The following STK3 variants were observed in gnomAD, a reference collection of about 807,000 sequenced individuals.
STK3 encodes the protein serine/threonine kinase 3, also known as serine/threonine-protein kinase 3.
STK3 carries 41 observed loss-of-function variants against 58.0 expected under a neutral mutation model. The observed-to-expected ratio is 0.71, with a 90% CI of 0.55 to 0.92. The LOEUF is 0.92. Ranked by LOEUF, STK3 falls within the 40% of genes least tolerant of loss-of-function variation. STK3 has a pLI of 0.00. For synonymous variants in STK3, 170 were observed against 191.0 expected, an observed-to-expected ratio of 0.89 and a Z score of 0.91; for missense variants, 479 against 602.7, an observed-to-expected ratio of 0.79 and a Z score of 2.15.
chr8:98,535,130 G>A, intron 9 of STK3, among the ~76,000 whole-genome samples: 1 of 152,272 alleles, frequency 6.6e-6, no homozygotes. Context: ...GTCAAGGAAA[G>A]TCAGAATCAG....
chr8:98,819,056 C>T (rs560578698), intron 1 of STK3, among the ~76,000 whole-genome samples: 1 of 152,264 alleles, frequency 6.6e-6, no homozygotes, highest in African/African-American at 2.4e-5. Flanking sequence ...ATCTCCTGAC[C>T]TCATGATCTG....
At chr8:98,387,451 T>C (rs948190215) in intron 1 of STK3, among the ~76,000 whole-genome samples, 2 of 152,202 alleles carry the variant, frequency 1.3e-5, no homozygotes, top group African/African-American at 4.8e-5. Context: ...CCTTCTCTGA[T>C]TAAAAGACCT....
At chr8:98,586,146 G>T (rs192588899) in intron 7 of STK3, among the ~76,000 whole-genome samples, 9 of 151,868 alleles carry the variant, frequency 5.9e-5, no homozygotes, top group African/African-American at 1.4e-4. Flanking sequence ...GAATAGGAGT[G>T]GTGAGAGAGG....
At chr8:98,878,024 G>A (rs985435577) in intron 3 of STK3, among the ~76,000 whole-genome samples, 2 of 151,058 alleles carry the variant, frequency 1.3e-5, no homozygotes, top group African/African-American at 4.9e-5. Context: ...AACCAAATTT[G>A]TTGCAACAAC....
intron 6 of STK3, among the ~76,000 whole-genome samples, chr8:98,661,655 T>C (rs1379262834): frequency 6.6e-6 from 1 of 152,054 alleles, no homozygotes; most frequent in African/African-American, 2.4e-5. Context: ...CCAAATAATA[T>C]ACAGGTCAGG....
chr8:98,502,216 T>C (rs1188529523), intron 10 of STK3, among the ~76,000 whole-genome samples: 1 of 152,210 alleles, frequency 6.6e-6, no homozygotes, highest in African/African-American at 2.4e-5. Flanking sequence ...TGTCTGTTAT[T>C]GGTGTATAGG....
At chr8:98,769,260 C>T (rs532170136) in intron 2 of STK3, among the ~76,000 whole-genome samples, 3 of 152,168 alleles carry the variant, frequency 2.0e-5, no homozygotes, top group Non-Finnish European at 4.4e-5. Context: ...ATGTCCCACC[C>T]GAATCTCATC....
At chr8:98,557,972 T>C (rs889195513) in intron 8 of STK3, among the ~76,000 whole-genome samples, 1 of 151,814 alleles carries the variant, frequency 6.6e-6, no homozygotes, top group African/African-American at 2.4e-5. Context: ...GTACAAGTTT[T>C]TGGCATTATA....
intron 3 of STK3, among the ~76,000 whole-genome samples, chr8:98,403,338 C>T (rs959466548): frequency 6.6e-6 from 1 of 152,182 alleles, no homozygotes; most frequent in African/African-American, 2.4e-5. Flanking sequence ...GTTTTGTCTC[C>T]CCCATAGAAG....
At chr8:98,838,956 C>T (rs1326425559) in intron 3 of STK3, among the ~76,000 whole-genome samples, 2 of 150,690 alleles carry the variant, frequency 1.3e-5, no homozygotes, top group South Asian at 2.1e-4. Flanking sequence ...ATAATTTAAC[C>T]TTCTTCTTTG....
At chr8:98,874,482 CAG>C (rs1837492791) in intron 3 of STK3, among the ~76,000 whole-genome samples, 2 of 152,144 alleles carry the variant, frequency 1.3e-5, no homozygotes, top group South Asian at 2.1e-4. Flanking sequence ...TTTGTTACGG[CAG>C]CCACAGGAAA....
At chr8:98,838,856 C>T (rs1037200730) in intron 3 of STK3, among the ~76,000 whole-genome samples, 69 of 152,100 alleles carry the variant, frequency 4.5e-4, no homozygotes, top group Middle Eastern at 3.4e-3. Flanking sequence ...CCCTTCTCTC[C>T]CTCCCCGCAA....
At chr8:98,607,404 C>G (rs1816860274) in intron 6 of STK3, among the ~76,000 whole-genome samples, 1 of 152,182 alleles carries the variant, frequency 6.6e-6, no homozygotes, top group African/African-American at 2.4e-5. Flanking sequence ...TCCCTAGCAC[C>G]AATGAAGACA....
chr8:98,707,866 T>G (rs1293838524), intron 4 of STK3, among the ~76,000 whole-genome samples: 2 of 152,014 alleles, frequency 1.3e-5, no homozygotes, highest in African/African-American at 4.8e-5. Context: ...CAGCAGGGCG[T>G]GGTGGCTCAC....
At chr8:98,389,615 C>T (rs1467449289), upstream of STK3, among the ~76,000 whole-genome samples, 2 of 151,922 alleles carry the variant, frequency 1.3e-5, no homozygotes, top group Non-Finnish European at 2.9e-5. Flanking sequence ...TCATCTCATT[C>T]CCTATGACTG....
intron 1 of STK3, among the ~76,000 whole-genome samples, chr8:98,926,475 T>C (rs1253678182): frequency 6.6e-6 from 1 of 152,144 alleles, no homozygotes; most frequent in African/African-American, 2.4e-5. Flanking sequence ...TCATACCCCG[T>C]GATGCCCCCA....
chr8:98,849,100 C>A (rs903602572), intron 3 of STK3, among the ~76,000 whole-genome samples: 1 of 151,882 alleles, frequency 6.6e-6, no homozygotes, highest in African/African-American at 2.4e-5. Context: ...GTGGCTGGCA[C>A]CTGTAGTCCC....
At chr8:98,659,540 G>A (rs1324614514) in intron 6 of STK3, among the ~76,000 whole-genome samples, 1 of 150,940 alleles carries the variant, frequency 6.6e-6, no homozygotes, top group Non-Finnish European at 1.5e-5. Context: ...AACAAATTAA[G>A]CATTGCTCAG....
intron 3 of STK3, chr8:98,427,675 C>T: frequency 3.7e-6 from 1 of 269,232 alleles, no homozygotes; most frequent in Non-Finnish European, 7.0e-6. Flanking sequence ...CATGCAGCCC[C>T]CTGGGCGCTC....
Sources: gnomAD v4.1 joint callset for allele counts (sites outside exome capture counted in the v4.1 genomes callset) on GRCh38, gnomAD v4.1.1 for gene constraint, MANE v1.5 for transcripts, NCBI Gene and HGNC (gene_info 2026-07-23, HGNC 2026-07-21) for gene names.